Variants in ADARB2 observed in about 807,000 individuals in gnomAD.
ADARB2 encodes the protein inactive double-stranded RNA-specific editase B2.
A neutral mutation model predicts 62.2 loss-of-function variants in ADARB2; 25 were observed. The ratio of observed to expected loss-of-function variants is 0.40; its 90% CI spans 0.29 to 0.56. The LOEUF (loss-of-function observed/expected upper bound fraction) is 0.56. ADARB2 is among the 20% of genes least tolerant of loss of function. The probability of loss-of-function intolerance (pLI) is 0.43; values close to 1 mark genes in which losing one functional copy is unlikely to be tolerated. For missense variants in ADARB2, 1,071 were observed against 1,077.4 expected (o/e 0.99, Z 0.08); for synonymous variants, 572 against 500.8 (o/e 1.14, Z -1.90).
intron 1 of ADARB2, among the ~76,000 whole-genome samples, chr10:1,585,838 T>C (rs543507852): frequency 9.2e-5 from 14 of 152,166 alleles, no homozygotes; most frequent in South Asian, 2.1e-4. Context: ...ATCGAGACCA[T>C]CCTGGCTAAC....
At chr10:1,631,634 T>C (rs1833845047) in intron 1 of ADARB2, among the ~76,000 whole-genome samples, 1 of 152,172 alleles carries the variant, frequency 6.6e-6, no homozygotes, top group African/African-American at 2.4e-5. Flanking sequence ...TGAATGGGTC[T>C]GGTGATTTGA....
intron 1 of ADARB2, among the ~76,000 whole-genome samples, chr10:1,719,204 T>C (rs553779065): frequency 1.6e-4 from 25 of 152,300 alleles, no homozygotes; most frequent in African/African-American, 5.5e-4. Flanking sequence ...CCTCAGGTGA[T>C]TGGCTCACCT....
At chr10:1,366,151 T>G (rs1486184511) in intron 2 of ADARB2, among the ~76,000 whole-genome samples, 1 of 152,182 alleles carries the variant, frequency 6.6e-6, no homozygotes, top group Non-Finnish European at 1.5e-5. Context: ...AGGAGGGAAG[T>G]GCAATGAGGG....
intron 6 of ADARB2, among the ~76,000 whole-genome samples, chr10:1,225,423 T>C (rs1165509337): frequency 6.6e-6 from 1 of 152,198 alleles, no homozygotes; most frequent in Non-Finnish European, 1.5e-5. Flanking sequence ...TTAAGGTTAG[T>C]ATTGTTATGT....
At chr10:1,412,488 CTATTT>C (rs1832767778) in intron 1 of ADARB2, among the ~76,000 whole-genome samples, 1 of 151,762 alleles carries the variant, frequency 6.6e-6, no homozygotes, top group Admixed American at 6.6e-5. Context: ...AAATAGTTCT[CTATTT>C]TATTTTAAAG....
intron 2 of ADARB2, among the ~76,000 whole-genome samples, chr10:1,377,290 CGTGT>C (rs1832441728): frequency 1.0e-5 from 1 of 96,078 alleles, no homozygotes; most frequent in African/African-American, 4.2e-5. Flanking sequence ...TGTGTATGTG[CGTGT>C]GCTCCTGGGG....
At chr10:1,698,609 G>GA (rs1177904892) in intron 1 of ADARB2, among the ~76,000 whole-genome samples, 1 of 152,140 alleles carries the variant, frequency 6.6e-6, no homozygotes, top group Non-Finnish European at 1.5e-5. Context: ...AAACTTGATG[G>GA]AAAAAGCAAC....
At chr10:1,413,617 C>T (rs1277417929) in intron 1 of ADARB2, among the ~76,000 whole-genome samples, 1 of 152,086 alleles carries the variant, frequency 6.6e-6, no homozygotes, top group African/African-American at 2.4e-5. Flanking sequence ...ACAGGAAGCG[C>T]AGCCGTGAAC....
chr10:1,288,524 A>G (rs1237345487), intron 3 of ADARB2, among the ~76,000 whole-genome samples: 1 of 152,216 alleles, frequency 6.6e-6, no homozygotes, highest in Non-Finnish European at 1.5e-5. Context: ...GCACACAGGC[A>G]GTAAGTTGTG....
intron 3 of ADARB2, among the ~76,000 whole-genome samples, chr10:1,353,918 C>G (rs1342664100): frequency 3.9e-5 from 6 of 152,200 alleles, no homozygotes; most frequent in South Asian, 4.1e-4. Context: ...ATGCCCTCTT[C>G]TTGTTTACTT....
chr10:1,647,060 C>T (rs1834051931), intron 1 of ADARB2, among the ~76,000 whole-genome samples: 2 of 152,238 alleles, frequency 1.3e-5, no homozygotes, highest in Admixed American at 6.5e-5. Context: ...GCACGAGTTC[C>T]GTCCTCACTG....
chr10:1,440,749 T>C (rs2131895517), intron 1 of ADARB2, among the ~76,000 whole-genome samples: 1 of 152,324 alleles, frequency 6.6e-6, no homozygotes, highest in East Asian at 1.9e-4. Flanking sequence ...CTAATGTGTT[T>C]CCAAAGTCCA....
intron 1 of ADARB2, among the ~76,000 whole-genome samples, chr10:1,463,474 T>TGACGGA (rs1176983502): frequency 2.6e-5 from 4 of 152,330 alleles, no homozygotes; most frequent in African/African-American, 9.6e-5. Context: ...GCTTTTCCGC[T>TGACGGA]AAAGTGGTTA....
intron 1 of ADARB2, among the ~76,000 whole-genome samples, chr10:1,492,972 C>T (rs548631130): frequency 7.9e-5 from 12 of 152,266 alleles, no homozygotes; most frequent in Admixed American, 2.0e-4. Context: ...CAAGGCCACA[C>T]GAAATGCTCC....
chr10:1,270,475 A>T (rs1266006322), intron 4 of ADARB2, among the ~76,000 whole-genome samples: 1 of 152,170 alleles, frequency 6.6e-6, no homozygotes, highest in Non-Finnish European at 1.5e-5. Context: ...CGATTGATCA[A>T]ATTTAGCCCT....
At chr10:1,625,350 G>A (rs1399610367) in intron 1 of ADARB2, among the ~76,000 whole-genome samples, 1 of 152,238 alleles carries the variant, frequency 6.6e-6, no homozygotes, top group Non-Finnish European at 1.5e-5. Flanking sequence ...GACGTGGGTT[G>A]CAATCCCAAT....
chr10:1,390,088 C>A (rs1465683860), intron 1 of ADARB2, among the ~76,000 whole-genome samples: 1 of 152,110 alleles, frequency 6.6e-6, no homozygotes, highest in East Asian at 1.9e-4. Context: ...AATTGTGGTG[C>A]ATTTATACAA....
intron 3 of ADARB2, among the ~76,000 whole-genome samples, chr10:1,324,116 T>TACATGGATATATGGATAGGC (rs1831821452): frequency 2.6e-5 from 4 of 152,320 alleles, no homozygotes; most frequent in Non-Finnish European, 5.9e-5. Context: ...GAGAAGACGA[T>TACATGGATATATGGATAGGC]ACATGGATAT....
intron 4 of ADARB2, among the ~76,000 whole-genome samples, chr10:1,242,652 C>T (rs530058518): frequency 1.3e-3 from 201 of 152,298 alleles, no homozygotes; most frequent in African/African-American, 4.5e-3. Context: ...TGAGTGGGAG[C>T]AGTGCTAGCT....
Sources: gnomAD v4.1 joint callset for allele counts (sites outside exome capture counted in the v4.1 genomes callset) on GRCh38, gnomAD v4.1.1 for gene constraint, MANE v1.5 for transcripts, NCBI Gene and HGNC (gene_info 2026-07-23, HGNC 2026-07-21) for gene names.